Variants in FLYWCH1 observed in about 807,000 individuals in gnomAD.
The protein encoded by FLYWCH1 is FLYWCH-type zinc finger-containing protein 1.
In FLYWCH1, 75 loss-of-function variants were observed where a neutral mutation model predicts 66.4. That is an observed-to-expected ratio of 1.13 (90% CI 0.94 to 1.37). FLYWCH1 has a LOEUF of 1.37. FLYWCH1 is among the 40% of genes most tolerant of loss of function. The pLI, the probability that FLYWCH1 is intolerant of heterozygous loss-of-function variation, is 0.00. For synonymous variants in FLYWCH1, 595 were observed against 429.9 expected, an observed-to-expected ratio of 1.38 and a Z score of -4.75; for missense variants, 1,334 against 1,001.8, an observed-to-expected ratio of 1.33 and a Z score of -4.48.
chr16:2,938,351 C>A lies in FLYWCH1; in HGVS notation c.1945C>A (p.Arg649Ser). 1 of 1,601,064 alleles carries A rather than the reference C, an allele frequency of 6.2e-7. No individual in the cohort carries two copies. The highest frequency in any genetic ancestry group is 8.5e-7 in the Non-Finnish European group (1 of 1,173,172). Residue 649 changes from arginine to serine, a missense_variant, in exon 8 of 10, where the codon CGC becomes AGC. Coordinates refer to ENST00000253928, the MANE Select transcript of FLYWCH1 (RefSeq NM_001308068.2). ...CRSRAITQGH[R>S]IMVMRSHCHQ... ...CAGCCGCGCCATAACCCAGGGCCAC[C>A]GCATCATGGTCATGCGCAGCCACTG...
intron 2 of FLYWCH1, among the ~76,000 whole-genome samples, chr16:2,929,073 A>G (rs2070669071): frequency 6.6e-6 from 1 of 152,140 alleles, no homozygotes; most frequent in East Asian, 1.9e-4. Flanking sequence ...TCTGCGTACC[A>G]GGCCCACATG....
chr16:2,944,838 T>TAAA (rs1567354893), intron 9 of FLYWCH1, among the ~76,000 whole-genome samples: 21 of 92,578 alleles, frequency 2.3e-4, no homozygotes, highest in African/African-American at 5.4e-4. Context: ...AAAAAAAAAT[T>TAAA]TTTTTTAACT....
chr16:2,938,093 G>C (rs1019471850), intron 7 of FLYWCH1, 91 bp from the exon 8 acceptor site: 2 of 1,304,460 alleles, frequency 1.5e-6, no homozygotes, highest in African/African-American at 3.0e-5. Context: ...GCAGATTCCT[G>C]GTGGGGCCTG....
At position 2,930,416 on chromosome 16, in the gene FLYWCH1, C is replaced by G. The variant is rs967680481; in HGVS notation, c.332C>G (p.Pro111Arg). 4 of 1,458,022 alleles carry G rather than the reference C, an allele frequency of 2.7e-6. No homozygotes were observed. The African/African-American group carries it at 5.8e-5, about 21-fold the overall frequency. 90.3% of individuals were successfully genotyped at this position (1,458,022 alleles called of 1,614,324 possible). Residue 111 changes from proline to arginine, a missense_variant, in exon 4 of 10, where the codon CCT (proline) becomes CGT (arginine). Transcript: ENST00000253928. ...AGCCTTCCCGTTCCCCCAGCAGCCC[C>G]TCAGTCCCTGGAGTTCCTGAGGACA... Reference protein sequence around the residue: ...QKCSKLDAAAPQSLEFLRTPF... With the variant: ...QKCSKLDAAARQSLEFLRTPF...
At chr16:2,938,102 T>G (rs2071093690) in intron 7 of FLYWCH1, 82 bp from the exon 8 acceptor site, 5 of 1,394,922 alleles carry the variant, frequency 3.6e-6, no homozygotes, top group Non-Finnish European at 4.9e-6. Flanking sequence ...TGGTGGGGCC[T>G]GGCTGGGGGA....
Position 2,930,088 on chromosome 16 carries a change from C to T in FLYWCH1, c.325+78C>T, listed in dbSNP as rs534034938. 2,196 of 1,254,370 alleles carry T rather than the reference C, an allele frequency of 1.8e-3. 5 individuals are homozygous for T. Among genetic ancestry groups the T allele is most frequent in the Non-Finnish European group, 1.7e-3 (1,553 of 891,240 alleles). The allele number at this position is 1,254,370 out of a possible 1,614,324, so 77.7% of individuals were successfully genotyped here. A position where few individuals can be genotyped will look rare whatever the true frequency, so the allele number is the denominator to read the frequency against. ...CCAGCAGGCCCTGTACACCCTGCTTCAAGCATAGTGTCTTGTCCTTGCTCC... is the reference window on the plus strand; with the variant it reads ...CCAGCAGGCCCTGTACACCCTGCTTTAAGCATAGTGTCTTGTCCTTGCTCC... On this transcript the variant is annotated intron_variant, in intron 3 of 9. Transcript: ENST00000253928.
chr16:2,930,126 T>A lies in FLYWCH1; in HGVS notation c.325+116T>A. 4.2e-6 allele frequency: 4 copies of A among 957,584 alleles called. No individual in the cohort carries two copies. The Middle Eastern group carries it at 8.7e-4, about 209-fold the overall frequency. 59.3% of individuals were successfully genotyped at this position (957,584 alleles called of 1,614,324 possible). ...TTGTCCTTGCTCCAAGCTCAGCCTC[T>A]TGGTCTCTGATCCTGAGCGTGTCCG... On this transcript the variant is annotated intron_variant, in intron 3 of 9. Coordinates refer to ENST00000253928, the MANE Select transcript of FLYWCH1 (RefSeq NM_001308068.2).
At chr16:2,940,241 A>T (rs1213706554) in intron 9 of FLYWCH1, 149 bp downstream of exon 9, 5 of 571,966 alleles carry the variant, frequency 8.7e-6, no homozygotes, top group Non-Finnish European at 9.5e-6. Context: ...GGTTGAAGAG[A>T]ATTTGTCAGC....
chr16:2,948,478 A>G (rs1302004879), intron 9 of FLYWCH1, among the ~76,000 whole-genome samples: 1 of 151,970 alleles, frequency 6.6e-6, no homozygotes, highest in Non-Finnish European at 1.5e-5. Flanking sequence ...TGGGAGAATC[A>G]CTTGAACCCA....
intron 2 of FLYWCH1, chr16:2,922,943 G>A: frequency 1.9e-6 from 1 of 524,200 alleles, no homozygotes; most frequent in Non-Finnish European, 3.8e-6. Flanking sequence ...GCTCTTCCGA[G>A]GATATTTGGG....
chr16:2,917,976 T>G (rs1402894089), intron 2 of FLYWCH1, among the ~76,000 whole-genome samples: 1 of 151,794 alleles, frequency 6.6e-6, no homozygotes, highest in Non-Finnish European at 1.5e-5. Flanking sequence ...TAGCTGGGAT[T>G]ACAGGCGCCC....
intron 6 of FLYWCH1, chr16:2,935,333 C>G (rs1008517252): frequency 6.6e-6 from 1 of 152,380 alleles, no homozygotes; most frequent in African/African-American, 2.4e-5. Context: ...GCAGCTGCTG[C>G]GTTTGTTTGC....
At chr16:2,940,519 T>A (rs1328033589) in intron 9 of FLYWCH1, among the ~76,000 whole-genome samples, 2 of 152,166 alleles carry the variant, frequency 1.3e-5, no homozygotes, top group Non-Finnish European at 2.9e-5. Context: ...CACTGCAAAC[T>A]CTACCTTCCG....
chr16:2,915,410 G>C (rs1270474583), intron 2 of FLYWCH1: 1 of 152,186 alleles, frequency 6.6e-6, no homozygotes, highest in Non-Finnish European at 1.5e-5. Context: ...ATTTTTAGTA[G>C]AGACAGGGTT....
chr16:2,939,695 G>T lies in FLYWCH1; in HGVS notation c.2051-337G>T, dbSNP rs76339025. On this transcript the variant is annotated intron_variant, in intron 8 of 9. Coordinates refer to ENST00000253928, the MANE Select transcript of FLYWCH1 (RefSeq NM_001308068.2). ...AGCCTGGGTGACAGAACAAGACCCT[G>T]TCTTTACAAGAAATTTTTTTGAGAA... is the stretch of plus-strand genomic sequence containing the variant. The T allele has an allele frequency of 6.4e-3, 1,779 of 279,968 alleles. 32 individuals are homozygous for T. Among genetic ancestry groups the T allele is most frequent in the African/African-American group, 0.037 (1,654 of 44,736 alleles). 17.3% of individuals were successfully genotyped at this position (279,968 alleles called of 1,614,324 possible).
chr16:2,930,706 C>T lies in FLYWCH1; in HGVS notation c.622C>T (p.Pro208Ser). The change falls in exon 4 of 10, where the codon CCT (proline) becomes TCT (serine). Residue 208 changes from proline (P) to serine (S), a missense_variant. Transcript: ENST00000253928. Reference protein sequence around the residue: ...GLGEPQGPEGPGGRVEEPLEG... With the variant: ...GLGEPQGPEGSGGRVEEPLEG... ...GGGAGAGCCCCAGGGTCCTGAGGGC[C>T]CTGGAGGCCGAGTGGAGGAGCCCCT... The T allele has an allele frequency of 6.5e-7, 1 of 1,544,864 alleles. No individual in the cohort carries two copies. Among genetic ancestry groups the T allele is most frequent in the Non-Finnish European group, 8.7e-7 (1 of 1,148,284 alleles).
At chr16:2,912,552 C>T (rs560954572) in intron 1 of FLYWCH1, among the ~76,000 whole-genome samples, 18 of 152,330 alleles carry the variant, frequency 1.2e-4, no homozygotes, top group Non-Finnish European at 2.5e-4. Context: ...TATAGATCTC[C>T]GGTGACGGCT....
Position 2,929,608 on chromosome 16 carries a change from C to G in FLYWCH1, c.-73-5C>G. Reference sequence around the variant, plus strand: ...CCACTGACGGGATTTTGCTTCCTTCCTTAGGACGGAACCACTGCACTCCAG... The same window carrying G: ...CCACTGACGGGATTTTGCTTCCTTCGTTAGGACGGAACCACTGCACTCCAG... On this transcript the variant is annotated splice_polypyrimidine_tract_variant and splice_region_variant and intron_variant, in intron 2 of 9. Transcript: ENST00000253928. 6.7e-7 allele frequency: 1 copy of G among 1,493,924 alleles called. No individual in the cohort carries two copies. Among genetic ancestry groups the G allele is most frequent in the African/African-American group, 1.4e-5 (1 of 72,376 alleles). 92.5% of individuals were successfully genotyped at this position (1,493,924 alleles called of 1,614,324 possible).
Position 2,933,957 on chromosome 16 carries a change from C to T in FLYWCH1, c.1491C>T (p.Asn497=). The T allele has an allele frequency of 1.3e-6, 2 of 1,551,126 alleles. No homozygotes were observed. The highest frequency in any genetic ancestry group is 1.2e-5 in the South Asian group (1 of 84,434). The change falls in exon 6 of 10, where the codon AAC becomes AAT. Residue 497 remains asparagine, a synonymous_variant. Transcript: ENST00000253928. The stretch of plus-strand genomic sequence containing the variant: ...TGAGGCAGCGGGAGAAACGCCCCAA[C>T]ACGGCGCAGCGGGGGAGCCCAGGTA... ...EALRQREKRP[N]TAQRGSPGGP...
Sources: allele counts gnomAD v4.1 joint callset (sites outside exome capture counted in the v4.1 genomes callset), GRCh38; gene constraint gnomAD v4.1.1; transcripts MANE v1.5; gene names NCBI Gene and HGNC (gene_info 2026-07-23, HGNC 2026-07-21).